YIPF4: variants seen among roughly 807,000 people sequenced by gnomAD.
The protein encoded by YIPF4 is protein YIPF4.
YIPF4 carries 18 observed loss-of-function variants against 29.4 expected under a neutral mutation model. The ratio of observed to expected loss-of-function variants is 0.61; its 90% CI spans 0.42 to 0.91. YIPF4 has a LOEUF of 0.91. Ranked by LOEUF, YIPF4 falls within the 40% of genes least tolerant of loss-of-function variation. The pLI, the probability that YIPF4 is intolerant of heterozygous loss-of-function variation, is 0.00. For missense variants in YIPF4, 279 were observed against 282.7 expected (o/e 0.99, Z 0.09); for synonymous variants, 115 against 104.7 (o/e 1.10, Z -0.60).
Position 32,313,666 on chromosome 2 carries a change from T to A in YIPF4, c.*8040T>A, listed in dbSNP as rs1474976078. 6.9e-6 allele frequency: 1 copy of A among 145,742 alleles called. No homozygotes were observed. Among genetic ancestry groups the A allele is most frequent in the Non-Finnish European group, 1.5e-5 (1 of 66,052 alleles). The allele number at this position is 145,742 out of a possible 1,614,324, so 9.0% of individuals were successfully genotyped here. ...CAGGCGTGAGACACTGTGCCCAGCC[T>A]GTCAGAGCTTTTGAGTAGAAATACG... On this transcript the variant is annotated 3_prime_UTR_variant, in exon 6 of 6. Transcript: ENST00000238831.
intron 1 of YIPF4, among the ~76,000 whole-genome samples, chr2:32,282,945 C>A (rs1195843371): frequency 1.3e-5 from 2 of 151,424 alleles, no homozygotes; most frequent in Non-Finnish European, 2.9e-5. Flanking sequence ...GGGGTGGTGG[C>A]GGGTGCCTGT....
At chr2:32,287,803 T>G (rs765723670) in intron 1 of YIPF4, among the ~76,000 whole-genome samples, 2 of 152,224 alleles carry the variant, frequency 1.3e-5, no homozygotes, top group Non-Finnish European at 2.9e-5. Context: ...TTTTTAAAAT[T>G]TCCTTTTACA....
chr2:32,294,940 G>A (rs943558859), intron 3 of YIPF4, among the ~76,000 whole-genome samples: 19 of 152,180 alleles, frequency 1.2e-4, no homozygotes, highest in South Asian at 2.1e-4. Flanking sequence ...GGCGGCGTGC[G>A]CCTGCAATGG....
At position 32,301,452 on chromosome 2, in the gene YIPF4, T is replaced by A; in HGVS notation, c.554T>A (p.Leu185His). Residue 185 changes from leucine to histidine, a missense_variant, in exon 5 of 6, where the codon CTT (leucine) becomes CAT (histidine). Coordinates refer to ENST00000238831, the MANE Select transcript of YIPF4 (RefSeq NM_032312.4). ...LLPLIVIAPV[L>H]LVVGSFEVVS... ...CCTCTCATTGTAATAGCCCCTGTACTTTTGGTGGTTGGATCATTTGAAGTG... is the reference window on the plus strand; with the variant it reads ...CCTCTCATTGTAATAGCCCCTGTACATTTGGTGGTTGGATCATTTGAAGTG... 6.2e-7 allele frequency: 1 copy of A among 1,613,762 alleles called. No homozygotes were observed. The highest frequency in any genetic ancestry group is 8.5e-7 in the Non-Finnish European group (1 of 1,179,732).
rs933248949 is a variant in YIPF4 at position 32,278,003 on chromosome 2, C to T, written c.-153C>T. 31 of 625,868 alleles carry T rather than the reference C, an allele frequency of 5.0e-5. No individual in the cohort carries two copies. The highest frequency in any genetic ancestry group is 7.7e-5 in the Non-Finnish European group (29 of 377,372). 38.8% of individuals were successfully genotyped at this position (625,868 alleles called of 1,614,324 possible). ...GTAGTCTCGGGGCAGCTCAGCGGCC[C>T]GCTGTGCCCGTTTCTGGCCTCGCTC... On this transcript the variant is annotated 5_prime_UTR_variant, in exon 1 of 6. Coordinates refer to ENST00000238831, the MANE Select transcript of YIPF4 (RefSeq NM_032312.4).
rs575779324 is a variant in YIPF4 at position 32,280,504 on chromosome 2, G to A, written c.79+2270G>A. Reference sequence around the variant, plus strand: ...ACGCCATTCTCTGCCTCAGCCTCCCGAGTAGCTAGGACTACAGGCGCCCGG... The same window carrying A: ...ACGCCATTCTCTGCCTCAGCCTCCCAAGTAGCTAGGACTACAGGCGCCCGG... On this transcript the variant is annotated intron_variant, in intron 1 of 5. Transcript: ENST00000238831. 5.3e-5 allele frequency among the ~76,000 whole-genome samples: 8 copies of A among 150,546 alleles called. No homozygotes were observed. The East Asian group carries it at 9.7e-4, about 18-fold the overall frequency.
Position 32,306,626 on chromosome 2 carries a change from A to G in YIPF4, c.*1000A>G. The G allele has an allele frequency of 1.0e-6, 1 of 981,486 alleles. No individual in the cohort carries two copies. The highest frequency in any genetic ancestry group is 1.2e-6 in the Non-Finnish European group (1 of 826,332). The allele number at this position is 981,486 out of a possible 1,614,324, so 60.8% of individuals were successfully genotyped here. A position where few individuals can be genotyped will look rare whatever the true frequency, so the allele number is the denominator to read the frequency against. ...ATTACTTGATATTTTAACAAGTATC[A>G]GGTACTCTCTAACAAATGTACAGTT... On this transcript the variant is annotated 3_prime_UTR_variant, in exon 6 of 6. Transcript: ENST00000238831.
In YIPF4 at chr2:32,314,843, A is replaced by G. The variant is rs2031790738; in HGVS notation, c.*9217A>G. The G allele has an allele frequency of 6.6e-6, 1 of 152,192 alleles. No homozygotes were observed. Among genetic ancestry groups the G allele is most frequent in the Non-Finnish European group, 1.5e-5 (1 of 68,040 alleles). The allele number at this position is 152,192 out of a possible 1,614,324, so 9.4% of individuals were successfully genotyped here. ...TCAATGAAACAGGAGGGTTTCCAGAATTATACCCAATTAATTATACATGGG... is the reference window on the plus strand; with the variant it reads ...TCAATGAAACAGGAGGGTTTCCAGAGTTATACCCAATTAATTATACATGGG... On this transcript the variant is annotated 3_prime_UTR_variant, in exon 6 of 6. Coordinates refer to ENST00000238831, the MANE Select transcript of YIPF4 (RefSeq NM_032312.4).
intron 3 of YIPF4, among the ~76,000 whole-genome samples, chr2:32,297,972 CAAT>C (rs968489902): frequency 3.5e-4 from 53 of 150,934 alleles, no homozygotes; most frequent in African/African-American, 1.2e-3. Flanking sequence ...TTTTTTTTTG[CAAT>C]AATCTTTTAT....
Position 32,301,191 on chromosome 2 carries a change from G to A in YIPF4, c.484-191G>A, listed in dbSNP as rs1049188026. Among the ~76,000 whole-genome samples, 54 of 152,170 alleles carry A rather than the reference G, an allele frequency of 3.5e-4. 1 individual carries two copies. Among genetic ancestry groups the A allele is most frequent in the African/African-American group, 1.3e-3 (52 of 41,448 alleles). On this transcript the variant is annotated intron_variant, in intron 4 of 5. Coordinates refer to ENST00000238831, the MANE Select transcript of YIPF4 (RefSeq NM_032312.4). ...GCAAATTTATTTTAATTGAAACCAT[G>A]TTGGTTGGTGAGACTGCCCAGGAAC...
At chr2:32,290,337 A>G (rs1372080264) in intron 1 of YIPF4, 146 bp from the exon 2 acceptor site, 3 of 455,792 alleles carry the variant, frequency 6.6e-6, no homozygotes, top group South Asian at 9.4e-5. Context: ...ATGTCTGTCA[A>G]CTATAAAATT....
At chr2:32,289,064 A>G (rs2030805864) in intron 1 of YIPF4, among the ~76,000 whole-genome samples, 1 of 152,222 alleles carries the variant, frequency 6.6e-6, no homozygotes, top group Non-Finnish European at 1.5e-5. Flanking sequence ...GCAAGCACTT[A>G]TAAGAGAGTA....
At chr2:32,305,421 CTA>C (rs2031543178) in intron 5 of YIPF4, 66 bp from the exon 6 acceptor site, 1 of 1,393,264 alleles carries the variant, frequency 7.2e-7, no homozygotes, top group South Asian at 1.9e-5. Flanking sequence ...CATTTTTACT[CTA>C]TGATATCCAA....
intron 1 of YIPF4, among the ~76,000 whole-genome samples, chr2:32,280,594 G>C (rs982294266): frequency 6.6e-6 from 1 of 152,036 alleles, no homozygotes; most frequent in African/African-American, 2.4e-5. Flanking sequence ...GTGTTAGCCA[G>C]GATGGTCTCG....
intron 3 of YIPF4, among the ~76,000 whole-genome samples, chr2:32,293,803 C>T (rs1573534498): frequency 6.7e-6 from 1 of 150,284 alleles, no homozygotes; most frequent in Admixed American, 6.6e-5. Flanking sequence ...GGCAGAGGCG[C>T]CCCTCACCTC....
chr2:32,313,873 T>TGG lies in YIPF4; in HGVS notation c.*8247_*8248insGG. 1 of 152,162 alleles carries TGG rather than the reference T, an allele frequency of 6.6e-6. No homozygotes were observed. 9.4% of individuals were successfully genotyped at this position (152,162 alleles called of 1,614,324 possible). The stretch of plus-strand genomic sequence containing the variant: ...ACCCACTGCCACACTCGGCTAATTT[T>TGG]TGTATTTTTAGTAGAGACGGGATTT... On this transcript the variant is annotated 3_prime_UTR_variant, in exon 6 of 6. Transcript: ENST00000238831.
At position 32,310,214 on chromosome 2, in the gene YIPF4, A is replaced by C. The variant is rs985630910; in HGVS notation, c.*4588A>C. 2.6e-5 allele frequency: 4 copies of C among 152,168 alleles called. No individual in the cohort carries two copies. Among genetic ancestry groups the C allele is most frequent in the Non-Finnish European group, 5.9e-5 (4 of 68,028 alleles). 9.4% of individuals were successfully genotyped at this position (152,168 alleles called of 1,614,324 possible). A position where few individuals can be genotyped will look rare whatever the true frequency, so the allele number is the denominator to read the frequency against. On this transcript the variant is annotated 3_prime_UTR_variant, in exon 6 of 6. Transcript: ENST00000238831. ...AATTTCCCTTTAAAAATTGAATTACAGCCAGGCATGGTGGCTCATGCCTGT... is the reference window on the plus strand; with the variant it reads ...AATTTCCCTTTAAAAATTGAATTACCGCCAGGCATGGTGGCTCATGCCTGT...
At chr2:32,294,316 G>A (rs1374757856) in intron 3 of YIPF4, among the ~76,000 whole-genome samples, 5 of 151,872 alleles carry the variant, frequency 3.3e-5, no homozygotes, top group East Asian at 3.9e-4. Context: ...CAGACGGGGC[G>A]GCTGCCGGGC....
At chr2:32,280,138 T>A (rs1412632415) in intron 1 of YIPF4, among the ~76,000 whole-genome samples, 92 of 150,652 alleles carry the variant, frequency 6.1e-4, no homozygotes, top group Admixed American at 3.4e-3. Flanking sequence ...TATATATATT[T>A]TTTTTTTGAG....
Sources: gnomAD v4.1 joint callset for allele counts (sites outside exome capture counted in the v4.1 genomes callset) on GRCh38, gnomAD v4.1.1 for gene constraint, MANE v1.5 for transcripts, NCBI Gene and HGNC (gene_info 2026-07-23, HGNC 2026-07-21) for gene names.